TRMT1L: variants seen among roughly 807,000 people sequenced by gnomAD.
TRMT1L encodes the protein tRNA methyltransferase 1L, also known as tRNA (guanine(27)-N(2))-dimethyltransferase.
TRMT1L carries 28 observed loss-of-function variants against 81.6 expected under a neutral mutation model. That is an observed-to-expected ratio of 0.34 (90% CI 0.25 to 0.47). TRMT1L has a LOEUF of 0.47. Ranked by LOEUF, TRMT1L falls within the 20% of genes least tolerant of loss-of-function variation. The pLI, the probability that TRMT1L is intolerant of heterozygous loss-of-function variation, is 1.00. For missense variants in TRMT1L, 739 were observed against 877.1 expected, an observed-to-expected ratio of 0.84 and a Z score of 1.99; for synonymous variants, 301 against 303.2, an observed-to-expected ratio of 0.99 and a Z score of 0.07.
chr1:185,154,282 C>T (rs1381942568), intron 1 of TRMT1L, among the ~76,000 whole-genome samples: 1 of 152,198 alleles, frequency 6.6e-6, no homozygotes, highest in African/African-American at 2.4e-5. Flanking sequence ...CAGCCTCAAA[C>T]TCCTGGGCTC....
Sources: gnomAD v4.1 joint callset for allele counts (sites outside exome capture counted in the v4.1 genomes callset) on GRCh38, gnomAD v4.1.1 for gene constraint, MANE v1.5 for transcripts, NCBI Gene and HGNC (gene_info 2026-07-23, HGNC 2026-07-21) for gene names.